BEND5: variants seen among roughly 807,000 people sequenced by gnomAD.
The protein encoded by BEND5 is BEN domain containing 5.
A neutral mutation model predicts 43.9 loss-of-function variants in BEND5; 22 were observed. The observed-to-expected ratio is 0.50, with a 90% CI of 0.36 to 0.72. The LOEUF (loss-of-function observed/expected upper bound fraction) is 0.72. Ranked by LOEUF, BEND5 falls within the 30% of genes least tolerant of loss-of-function variation. The pLI, the probability that BEND5 is intolerant of heterozygous loss-of-function variation, is 0.00. For synonymous variants in BEND5, 228 were observed against 225.9 expected, an observed-to-expected ratio of 1.01 and a Z score of -0.08; for missense variants, 428 against 550.6, an observed-to-expected ratio of 0.78 and a Z score of 2.23.
intron 1 of BEND5, among the ~76,000 whole-genome samples, chr1:48,770,479 C>A (rs939789643): frequency 1.3e-5 from 2 of 152,164 alleles, no homozygotes; most frequent in Non-Finnish European, 2.9e-5. Flanking sequence ...TCTTCTTTAA[C>A]TGTGCCTTTA....
rs763093466 is a variant in BEND5, at chr1:48,759,092, C to T, written c.553G>A (p.Glu185Lys). The T allele has an allele frequency of 1.9e-6, 3 of 1,612,364 alleles. No homozygotes were observed. The highest frequency in any genetic ancestry group is 2.5e-6 in the Non-Finnish European group (3 of 1,179,058). ...DAVVPRALYE[E>K]LLRNYQQQQE... ...TGCTGCTGGTAGTTGCGCAGCAGCT[C>T]CTCATACAGAGCCCGGGGCACCACA... Residue 185 changes from glutamate to lysine, a missense_variant, in exon 3 of 6, where the codon GAG becomes AAG. Glu to Lys is a moderately conservative substitution (Grantham distance 56, BLOSUM62 1). Coordinates refer to ENST00000371833, the MANE Select transcript of BEND5 (RefSeq NM_024603.4).
chr1:48,748,306 G>C (rs1027350029), intron 3 of BEND5, among the ~76,000 whole-genome samples: 8 of 152,172 alleles, frequency 5.3e-5, no homozygotes, highest in African/African-American at 1.9e-4. Flanking sequence ...CTGTTTCTTA[G>C]CCCCATTAGT....
intron 2 of BEND5, chr1:48,761,118 C>A: frequency 1.9e-6 from 1 of 522,608 alleles, no homozygotes; most frequent in Non-Finnish European, 3.4e-6. Context: ...CAAACAGGAC[C>A]AAGCTTGGTG....
intron 1 of BEND5, among the ~76,000 whole-genome samples, chr1:48,762,308 T>C (rs1378287314): frequency 3.9e-5 from 6 of 152,228 alleles, no homozygotes; most frequent in Admixed American, 3.3e-4. Context: ...CAACCTAAGA[T>C]AATCTGTTTC....
intron 1 of BEND5, among the ~76,000 whole-genome samples, chr1:48,774,886 C>T (rs146103784): frequency 6.1e-4 from 93 of 152,336 alleles, no homozygotes; most frequent in African/African-American, 2.1e-3. Context: ...AAACTTATCA[C>T]TGACTCTCTT....
intron 1 of BEND5, among the ~76,000 whole-genome samples, chr1:48,769,069 T>G (rs371008408): frequency 6.6e-6 from 1 of 152,216 alleles, no homozygotes; most frequent in Non-Finnish European, 1.5e-5. Context: ...CTCTTGATTT[T>G]CTTTTCTGTA....
At chr1:48,732,774 C>T (rs1332863243) in intron 5 of BEND5, among the ~76,000 whole-genome samples, 3 of 152,118 alleles carry the variant, frequency 2.0e-5, no homozygotes, top group Non-Finnish European at 4.4e-5. Flanking sequence ...GTCAAGGGCA[C>T]ACTGAAGGCA....
In BEND5 at chr1:48,758,978, C is replaced by A. The variant is rs760424879; in HGVS notation, c.667G>T (p.Ala223Ser). The change falls in exon 3 of 6, where the codon GCA (alanine) becomes TCA (serine). Residue 223 changes from alanine to serine, a missense_variant. Physicochemically the swap from Ala to Ser is moderately conservative, Grantham distance 99. Transcript: ENST00000371833. The stretch of plus-strand genomic sequence containing the variant: ...AGCTCCTTCATTTCAGACACAAGTG[C>A]CCCGTACTCCTTGAGCTTCTTGGCC... ...QQAKKLKEYG[A>S]LVSEMKELRD... 1 of 1,612,590 alleles carries A rather than the reference C, an allele frequency of 6.2e-7. No individual in the cohort carries two copies.
chr1:48,757,665 G>A (rs905643522), intron 3 of BEND5, among the ~76,000 whole-genome samples: 1 of 152,182 alleles, frequency 6.6e-6, no homozygotes, highest in Non-Finnish European at 1.5e-5. Flanking sequence ...CTACCTTGGG[G>A]ATATACTTTA....
chr1:48,736,115 G>T lies in BEND5; in HGVS notation c.1108+124C>A. 1 of 1,113,550 alleles carries T rather than the reference G, an allele frequency of 9.0e-7. No individual in the cohort carries two copies. Among genetic ancestry groups the T allele is most frequent in the Non-Finnish European group, 1.3e-6 (1 of 756,730 alleles). 69.0% of individuals were successfully genotyped at this position (1,113,550 alleles called of 1,614,324 possible). On this transcript the variant is annotated intron_variant, in intron 5 of 5. Transcript: ENST00000371833. This position sits in a 1 kb window ranked among gnomAD's most constrained non-coding sequence, Gnocchi z 4.0. ...TGGGTTATCCGCTTGGTGTCCCCGGGCTCAGCCCAGGGTCTGGCATGCAGA... is the reference window on the plus strand; with the variant it reads ...TGGGTTATCCGCTTGGTGTCCCCGGTCTCAGCCCAGGGTCTGGCATGCAGA...
chr1:48,751,501 A>C (rs1651725061), intron 3 of BEND5, among the ~76,000 whole-genome samples: 1 of 152,196 alleles, frequency 6.6e-6, no homozygotes, highest in Non-Finnish European at 1.5e-5. Flanking sequence ...CAAGTTACCT[A>C]ATCTCTCTGA....
At chr1:48,755,215 A>T (rs1652362376) in intron 3 of BEND5, among the ~76,000 whole-genome samples, 1 of 152,148 alleles carries the variant, frequency 6.6e-6, no homozygotes, top group Non-Finnish European at 1.5e-5. Context: ...CTGCTGACGG[A>T]CCTGCTTCCC....
intron 3 of BEND5, among the ~76,000 whole-genome samples, chr1:48,749,433 T>A (rs1468002093): frequency 6.6e-6 from 1 of 152,136 alleles, no homozygotes; most frequent in African/African-American, 2.4e-5. Flanking sequence ...ACAAAATCGA[T>A]CTTATTATCT....
At chr1:48,750,264 G>A (rs866120751) in intron 3 of BEND5, among the ~76,000 whole-genome samples, 9 of 152,158 alleles carry the variant, frequency 5.9e-5, no homozygotes, top group Admixed American at 1.3e-4. Context: ...CCACCTGTAG[G>A]AGGGGCTGGG....
chr1:48,774,935 C>T (rs923078666), intron 1 of BEND5, among the ~76,000 whole-genome samples: 1 of 152,216 alleles, frequency 6.6e-6, no homozygotes, highest in Non-Finnish European at 1.5e-5. Context: ...CCTTCCAGAT[C>T]TAGGAGTACA....
At chr1:48,739,021 C>T (rs917277150) in intron 4 of BEND5, among the ~76,000 whole-genome samples, 1 of 152,222 alleles carries the variant, frequency 6.6e-6, no homozygotes, top group African/African-American at 2.4e-5. Flanking sequence ...AGCTTCTGCT[C>T]TCCCTGTCTT....
rs184208026 is a variant in BEND5, at chr1:48,761,401, T to C, written c.296A>G (p.His99Arg). ...KIKIPKLSLN[H>R]VEEDGEVKDY... ...TTTAACCTCTCCATCTTCTTCTACA[T>C]GATTAAGAGAAAGCTTGGGGATTTT... Residue 99 changes from histidine to arginine, a missense_variant, in exon 2 of 6, where the codon CAT (histidine) becomes CGT (arginine). By Grantham distance (29) the His-to-Arg change is conservative (BLOSUM62 0). This residue lies in a region of BEND5 where 243 missense variants were observed against 286.4 expected (regional missense o/e 0.85). Coordinates refer to ENST00000371833, the MANE Select transcript of BEND5 (RefSeq NM_024603.4). 615 of 1,551,690 alleles carry C rather than the reference T, an allele frequency of 4.0e-4. 5 individuals are homozygous for C. In the African/African-American group the frequency reaches 7.4e-3, roughly 19 times the overall value.
intron 5 of BEND5, among the ~76,000 whole-genome samples, chr1:48,733,501 T>TA (rs553889854): frequency 1.6e-3 from 244 of 152,150 alleles, no homozygotes; most frequent in African/African-American, 5.1e-3. Context: ...TTGGAAAAAG[T>TA]AAAAAAATTT....
intron 4 of BEND5, 46 bp downstream of exon 4, chr1:48,742,573 TCTGA>T (rs757862667): frequency 1.4e-6 from 2 of 1,444,564 alleles, no homozygotes; most frequent in Non-Finnish European, 1.8e-6. Flanking sequence ...CCACCTTTAC[TCTGA>T]CTAACAAACA....
Sources: allele counts gnomAD v4.1 joint callset (sites outside exome capture counted in the v4.1 genomes callset), GRCh38; gene constraint gnomAD v4.1.1; regional missense constraint gnomAD v4.1.1; non-coding constraint Gnocchi (gnomAD v3.1); transcripts MANE v1.5; gene names NCBI Gene and HGNC (gene_info 2026-07-23, HGNC 2026-07-21).